TRAK1: variants seen among roughly 807,000 people sequenced by gnomAD.
The protein encoded by TRAK1 is trafficking kinesin-binding protein 1.
TRAK1 carries 33 observed loss-of-function variants against 92.1 expected under a neutral mutation model. That is an observed-to-expected ratio of 0.36 (90% CI 0.27 to 0.48). TRAK1 has a LOEUF of 0.48. Among genes scored for constraint, TRAK1 ranks in the 20% least tolerant of loss-of-function variants. The pLI is 0.99. For synonymous variants in TRAK1, 521 were observed against 517.3 expected (o/e 1.01, Z -0.10); for missense variants, 1,123 against 1,257.9 (o/e 0.89, Z 1.62).
chr3:42,035,733 A>C (rs1176992770), intron 1 of TRAK1, among the ~76,000 whole-genome samples: 1 of 152,196 alleles, frequency 6.6e-6, no homozygotes, highest in African/African-American at 2.4e-5. Flanking sequence ...GCTTAAAATC[A>C]GTTCGGGAGC....
chr3:42,019,603 G>A (rs1215716799), intron 1 of TRAK1, among the ~76,000 whole-genome samples: 1 of 152,086 alleles, frequency 6.6e-6, no homozygotes, highest in Non-Finnish European at 1.5e-5. Context: ...TGTGCTGTGG[G>A]TCTGGATTTT....
intron 3 of TRAK1, among the ~76,000 whole-genome samples, chr3:42,182,195 C>T (rs1704097953): frequency 6.6e-6 from 1 of 152,122 alleles, no homozygotes; most frequent in South Asian, 2.1e-4. Flanking sequence ...GTCCCCTTTG[C>T]CCCGTGAGAG....
chr3:42,222,916 G>A, intron 15 of TRAK1, 26 bp from the exon 16 acceptor site: 1 of 1,597,234 alleles, frequency 6.3e-7, no homozygotes. Context: ...CATTTCTGGT[G>A]AATAACCTGT....
rs1373387405 is a variant in TRAK1, at chr3:42,202,903, G to A, written c.1744+151G>A. On this transcript the variant is annotated intron_variant, in intron 13 of 15. Transcript: ENST00000327628. The surrounding 1 kb of genome is among the most constrained non-coding windows in gnomAD (Gnocchi z 6.1). ...CGCTGCTGGTTTGAGTTCCTCTGAG[G>A]GTGGTGCTCAGCCTAGGCCTCCGTC... 1.4e-6 allele frequency: 2 copies of A among 1,446,082 alleles called. No individual in the cohort carries two copies. The highest frequency in any genetic ancestry group is 2.9e-5 in the South Asian group (2 of 69,666). The allele number at this position is 1,446,082 out of a possible 1,614,324, so 89.6% of individuals were successfully genotyped here.
intron 1 of TRAK1, among the ~76,000 whole-genome samples, chr3:42,093,669 C>CCCTTCCCTT (rs1559755696): frequency 0.021 from 216 of 10,444 alleles, 27 homozygotes; most frequent in Non-Finnish European, 0.027. Flanking sequence ...TCCCTTCCCT[C>CCCTTCCCTT]CCCTCCCCTC....
At position 42,193,841 on chromosome 3, in the gene TRAK1, A is replaced by G. The variant is rs751256358; in HGVS notation, c.918A>G (p.Glu306=). The G allele has an allele frequency of 1.9e-6, 3 of 1,614,186 alleles. No homozygotes were observed. The highest frequency in any genetic ancestry group is 1.1e-5 in the South Asian group (1 of 91,078). ...KKAKACAVEN[E]ELVQHLGAAK... ...TGCTTTAGTGCGCAGTGGAAAATGAAGAACTTGTCCAGCATCTGGGGGCTG... is the reference window on the plus strand; with the variant it reads ...TGCTTTAGTGCGCAGTGGAAAATGAGGAACTTGTCCAGCATCTGGGGGCTG... Residue 306 remains glutamate (E), a synonymous_variant, in exon 9 of 16, where the codon GAA becomes GAG. Coordinates refer to ENST00000327628, the MANE Select transcript of TRAK1 (RefSeq NM_001042646.3).
At chr3:42,117,899 A>T (rs1311659670) in intron 1 of TRAK1, among the ~76,000 whole-genome samples, 1 of 151,622 alleles carries the variant, frequency 6.6e-6, no homozygotes, top group Non-Finnish European at 1.5e-5. Flanking sequence ...CTCACTGCCC[A>T]ACCTCTGCCT....
At chr3:42,034,859 A>C (rs1702268758) in intron 1 of TRAK1, among the ~76,000 whole-genome samples, 2 of 150,484 alleles carry the variant, frequency 1.3e-5, no homozygotes, top group South Asian at 2.1e-4. Context: ...ATCCTATCCC[A>C]CCTCCTTAGG....
intron 1 of TRAK1, among the ~76,000 whole-genome samples, chr3:42,061,135 A>C (rs775354851): frequency 6.6e-6 from 1 of 152,190 alleles, no homozygotes; most frequent in African/African-American, 2.4e-5. Context: ...TTTTAGATTT[A>C]TAGAAAAGTT....
At chr3:42,053,632 G>C (rs1180444519) in intron 1 of TRAK1, among the ~76,000 whole-genome samples, 1 of 152,060 alleles carries the variant, frequency 6.6e-6, no homozygotes, top group African/African-American at 2.4e-5. Context: ...AAGCTGGGTT[G>C]GCACCCACAC....
At position 42,224,819 on chromosome 3, in the gene TRAK1, T is replaced by C. The variant is rs1386317452; in HGVS notation, c.*1082T>C. On this transcript the variant is annotated 3_prime_UTR_variant, in exon 16 of 16. Transcript: ENST00000327628. ...GGTATTCCGCTGGCTCCAGCGCTTTTTCTGAAACCCGAGGCTGGCCAGGGT... is the reference window on the plus strand; with the variant it reads ...GGTATTCCGCTGGCTCCAGCGCTTTCTCTGAAACCCGAGGCTGGCCAGGGT... 1 of 152,252 alleles carries C rather than the reference T, an allele frequency of 6.6e-6. No homozygotes were observed. The highest frequency in any genetic ancestry group is 2.4e-5 in the African/African-American group (1 of 41,464). The allele number at this position is 152,252 out of a possible 1,614,324, so 9.4% of individuals were successfully genotyped here.
chr3:42,050,306 T>C (rs1234564574), intron 1 of TRAK1, among the ~76,000 whole-genome samples: 1 of 152,214 alleles, frequency 6.6e-6, no homozygotes, highest in Non-Finnish European at 1.5e-5. Flanking sequence ...CTTTCTCTGA[T>C]CAGTTTCTGC....
intron 1 of TRAK1, among the ~76,000 whole-genome samples, chr3:42,046,439 G>A (rs1167253894): frequency 1.3e-5 from 2 of 152,050 alleles, no homozygotes; most frequent in South Asian, 2.1e-4. Context: ...TAGGGGCCAC[G>A]TCTCTACGGC....
intron 2 of TRAK1, among the ~76,000 whole-genome samples, chr3:42,154,296 C>G (rs1391114429): frequency 2.0e-5 from 3 of 151,680 alleles, no homozygotes; most frequent in African/African-American, 7.3e-5. Flanking sequence ...CCTCAACCTC[C>G]TGAGTAGTTA....
upstream of TRAK1, among the ~76,000 whole-genome samples, chr3:42,083,734 G>T (rs559303522): frequency 3.9e-5 from 6 of 152,204 alleles, no homozygotes; most frequent in East Asian, 1.2e-3. Context: ...AATTAGCCGG[G>T]TATGGTGGTG....
chr3:42,215,617 C>T (rs766162962), intron 14 of TRAK1, among the ~76,000 whole-genome samples: 7 of 152,120 alleles, frequency 4.6e-5, no homozygotes, highest in Non-Finnish European at 7.3e-5. Flanking sequence ...AAAGAAAGGT[C>T]AGGGTCATAG....
At chr3:42,146,517 G>A (rs1329143984) in intron 2 of TRAK1, 1 of 155,670 alleles carries the variant, frequency 6.4e-6, no homozygotes, top group African/African-American at 2.4e-5. Context: ...TGACTTTCAT[G>A]TGATGCTTTG....
At chr3:42,184,620 C>T in intron 3 of TRAK1, 65 bp from the exon 4 acceptor site, 2 of 1,452,944 alleles carry the variant, frequency 1.4e-6, no homozygotes, top group Non-Finnish European at 1.9e-6. Flanking sequence ...TGACACTGAG[C>T]ACCATTGACT....
intron 1 of TRAK1, among the ~76,000 whole-genome samples, chr3:42,081,193 A>G (rs1325600898): frequency 6.6e-6 from 1 of 152,088 alleles, no homozygotes; most frequent in African/African-American, 2.4e-5. Flanking sequence ...GCCACATTTG[A>G]TGTATATTGG....
Sources: allele counts gnomAD v4.1 joint callset (sites outside exome capture counted in the v4.1 genomes callset), GRCh38; gene constraint gnomAD v4.1.1; non-coding constraint Gnocchi (gnomAD v3.1); transcripts MANE v1.5; gene names NCBI Gene and HGNC (gene_info 2026-07-23, HGNC 2026-07-21).